Variants in MPRIP observed in about 807,000 individuals in gnomAD.
MPRIP encodes myosin phosphatase Rho-interacting protein.
Under a neutral mutation model 234.9 loss-of-function variants are expected in MPRIP, and 59 were observed. The ratio of observed to expected loss-of-function variants is 0.25; its 90% CI spans 0.20 to 0.31. MPRIP has a LOEUF of 0.31. Among genes scored for constraint, MPRIP ranks in the 10% least tolerant of loss-of-function variants. The pLI is 1.00. For synonymous variants in MPRIP, 1,144 were observed against 1,263.9 expected (o/e 0.91, Z 2.01); for missense variants, 2,436 against 3,071.0 (o/e 0.79, Z 4.89).
At chr17:17,173,030 C>G (rs1313432958) in intron 18 of MPRIP, among the ~76,000 whole-genome samples, 1 of 152,242 alleles carries the variant, frequency 6.6e-6, no homozygotes, top group African/African-American at 2.4e-5. Flanking sequence ...CTCGAAATGC[C>G]AAGAACGAGA....
chr17:17,087,995 A>G (rs368775540), intron 3 of MPRIP, among the ~76,000 whole-genome samples: 1 of 152,254 alleles, frequency 6.6e-6, no homozygotes, highest in Non-Finnish European at 1.5e-5. Flanking sequence ...GTTCAGGGCT[A>G]TAATGAGATA....
At chr17:17,063,809 G>A (rs1375129490) in intron 1 of MPRIP, among the ~76,000 whole-genome samples, 2 of 152,228 alleles carry the variant, frequency 1.3e-5, no homozygotes, top group African/African-American at 4.8e-5. Flanking sequence ...GGGTGGCTGT[G>A]TCCAGAGACC....
At chr17:17,087,407 G>T (rs1325673484) in intron 3 of MPRIP, among the ~76,000 whole-genome samples, 3 of 152,226 alleles carry the variant, frequency 2.0e-5, no homozygotes, top group South Asian at 4.1e-4. Flanking sequence ...TACCTCCAGT[G>T]TTGGAGTCAT....
chr17:17,192,427 T>TGGGGGGGGGGGGG lies in MPRIP; in HGVS notation c.*7536_*7548dup, dbSNP rs1555603013. 4.2e-4 allele frequency: 2 copies of TGGGGGGGGGGGGG among 4,814 alleles called. No homozygotes were observed. Among genetic ancestry groups the TGGGGGGGGGGGGG allele is most frequent in the African/African-American group, 8.5e-4 (2 of 2,358 alleles). The allele number at this position is 4,814 out of a possible 1,614,324, so 0.3% of individuals were successfully genotyped here. On this transcript the variant is annotated 3_prime_UTR_variant, in exon 24 of 24. Transcript: ENST00000651222. ...ACCAGCTGAGCTGCTGCTTTTTTTT[T>TGGGGGGGGGGGGG]GGGGGGGGGGGGGGGAGGGGCGTCT...
In MPRIP at chr17:17,147,311, C is replaced by G. The variant is rs2045492215; in HGVS notation, c.1561-8C>G. ...TAGTCGAGTCATTTTTCTTTTCTTC[C>G]CCTTTAGTGGAAGAAACACTGGTTT... On this transcript the variant is annotated splice_polypyrimidine_tract_variant and splice_region_variant and intron_variant, in intron 10 of 23. Transcript: ENST00000651222. The G allele has an allele frequency of 1.2e-6, 2 of 1,613,888 alleles. No homozygotes were observed. Among genetic ancestry groups the G allele is most frequent in the East Asian group, 4.5e-5 (2 of 44,870 alleles).
intron 12 of MPRIP, among the ~76,000 whole-genome samples, chr17:17,152,979 C>T (rs1174671552): frequency 6.6e-6 from 1 of 152,288 alleles, no homozygotes; most frequent in African/African-American, 2.4e-5. Context: ...TCTCAGAGAA[C>T]ATTAGGCAGC....
At chr17:17,074,320 A>G (rs1597755736) in intron 1 of MPRIP, among the ~76,000 whole-genome samples, 1 of 152,256 alleles carries the variant, frequency 6.6e-6, no homozygotes, top group Non-Finnish European at 1.5e-5. Context: ...CTGAGGAAGG[A>G]GATTGAGCCA....
rs1331445885 is a variant in MPRIP, at chr17:17,185,334, C to T, written c.*440C>T. On this transcript the variant is annotated 3_prime_UTR_variant, in exon 24 of 24. Transcript: ENST00000651222. ...CAGAGAAAAAGCTATGCGGACACTC[C>T]AGCTTGGCCTGGGTCACAGCACTGA... 1 of 364,266 alleles carries T rather than the reference C, an allele frequency of 2.7e-6. No homozygotes were observed. Among genetic ancestry groups the T allele is most frequent in the Non-Finnish European group, 5.4e-6 (1 of 184,648 alleles). 22.6% of individuals were successfully genotyped at this position (364,266 alleles called of 1,614,324 possible).
chr17:17,122,346 T>G (rs1241998950), intron 3 of MPRIP, among the ~76,000 whole-genome samples: 1 of 151,754 alleles, frequency 6.6e-6, no homozygotes, highest in Non-Finnish European at 1.5e-5. Flanking sequence ...TTTTTTTGTT[T>G]ATTTGTTTTG....
At chr17:17,121,483 T>C (rs74590472) in intron 3 of MPRIP, among the ~76,000 whole-genome samples, 287 of 100,952 alleles carry the variant, frequency 2.8e-3, no homozygotes, top group Non-Finnish European at 4.7e-3. Flanking sequence ...GTTCGGAATG[T>C]TCAGTGAGAG....
intron 3 of MPRIP, among the ~76,000 whole-genome samples, chr17:17,108,681 T>A (rs79185159): frequency 0.038 from 5,839 of 152,268 alleles, 331 homozygotes; most frequent in African/African-American, 0.12. Flanking sequence ...CTGCTGTAGA[T>A]CCCTCAGGGG....
At chr17:17,105,801 C>T (rs1175014936) in intron 3 of MPRIP, among the ~76,000 whole-genome samples, 3 of 152,198 alleles carry the variant, frequency 2.0e-5, no homozygotes, top group Non-Finnish European at 2.9e-5. Flanking sequence ...GCAGGGCCTT[C>T]CTTTCAAGGA....
intron 3 of MPRIP, among the ~76,000 whole-genome samples, chr17:17,083,340 A>G (rs986385435): frequency 1.3e-5 from 2 of 152,194 alleles, no homozygotes; most frequent in Non-Finnish European, 2.9e-5. Context: ...GCTTGGTCCA[A>G]AGGATCTTCA....
At chr17:17,126,990 C>G (rs1446773773) in intron 4 of MPRIP, 137 bp downstream of exon 4, 3 of 1,078,062 alleles carry the variant, frequency 2.8e-6, no homozygotes, top group Non-Finnish European at 4.0e-6. Context: ...TGTCTCTGTT[C>G]TCAACACCGC....
At chr17:17,096,904 C>T (rs938801944) in intron 3 of MPRIP, 8 of 432,482 alleles carry the variant, frequency 1.8e-5, no homozygotes, top group African/African-American at 1.6e-4. Context: ...TCCTTGTCTT[C>T]TAGAATCTCG....
intron 23 of MPRIP, chr17:17,180,728 T>C: frequency 6.7e-6 from 10 of 1,489,728 alleles, no homozygotes; most frequent in East Asian, 2.3e-5. Context: ...CAAACGCCTG[T>C]GTCATGGTTA....
chr17:17,061,891 A>G (rs2088877896), intron 1 of MPRIP, among the ~76,000 whole-genome samples: 1 of 152,030 alleles, frequency 6.6e-6, no homozygotes, highest in Non-Finnish European at 1.5e-5. Flanking sequence ...GTACCAGTAC[A>G]AGTGTTGGGT....
chr17:17,113,904 T>C (rs1037947722), intron 3 of MPRIP, among the ~76,000 whole-genome samples: 1 of 146,620 alleles, frequency 6.8e-6, no homozygotes, highest in Non-Finnish European at 1.5e-5. Flanking sequence ...TTTTTTTTTT[T>C]ACTTAAGAGA....
chr17:17,155,017 A>G (rs2045696091), intron 13 of MPRIP, among the ~76,000 whole-genome samples: 1 of 152,240 alleles, frequency 6.6e-6, no homozygotes, highest in African/African-American at 2.4e-5. Context: ...TATCTAAAAC[A>G]AAACAAAACA....
Sources: allele counts gnomAD v4.1 joint callset (sites outside exome capture counted in the v4.1 genomes callset), GRCh38; gene constraint gnomAD v4.1.1; transcripts MANE v1.5; gene names NCBI Gene and HGNC (gene_info 2026-07-23, HGNC 2026-07-21).